WWC2: variants seen among roughly 807,000 people sequenced by gnomAD.
WWC2 encodes protein WWC2.
In WWC2, 101 loss-of-function variants were observed where a neutral mutation model predicts 138.5. That is an observed-to-expected ratio of 0.73 (90% CI 0.62 to 0.86). The LOEUF (loss-of-function observed/expected upper bound fraction) is 0.86, where lower values mean the gene tolerates loss of function less well. Ranked by LOEUF, WWC2 falls within the 40% of genes least tolerant of loss-of-function variation. The probability of loss-of-function intolerance (pLI) is 0.00; values close to 1 mark genes in which losing one functional copy is unlikely to be tolerated. For synonymous variants in WWC2, 558 were observed against 538.4 expected (o/e 1.04, Z -0.50); for missense variants, 1,420 against 1,419.4 (o/e 1.00, Z -0.01).
At chr4:183,175,449 G>A (rs1430084003) in intron 1 of WWC2, among the ~76,000 whole-genome samples, 5 of 152,014 alleles carry the variant, frequency 3.3e-5, no homozygotes, top group Non-Finnish European at 5.9e-5. Context: ...TTTTTGTAGA[G>A]ATGGGGTTTT....
chr4:183,247,766 A>C (rs536533933), intron 6 of WWC2, among the ~76,000 whole-genome samples: 97 of 141,108 alleles, frequency 6.9e-4, no homozygotes, highest in African/African-American at 2.3e-3. Flanking sequence ...TATATATATA[A>C]TATATATACT....
At chr4:183,241,860 A>C (rs897357489) in intron 5 of WWC2, among the ~76,000 whole-genome samples, 1 of 152,240 alleles carries the variant, frequency 6.6e-6, no homozygotes, top group Non-Finnish European at 1.5e-5. Flanking sequence ...AGGCACATGA[A>C]ATTATAACTC....
chr4:183,252,860 G>C (rs1737020531), intron 8 of WWC2, among the ~76,000 whole-genome samples: 1 of 152,060 alleles, frequency 6.6e-6, no homozygotes, highest in Non-Finnish European at 1.5e-5. Flanking sequence ...GGCAATGGGG[G>C]AGCCTTGATG....
At chr4:183,108,076 C>T (rs1243441956) in intron 1 of WWC2, among the ~76,000 whole-genome samples, 1 of 151,890 alleles carries the variant, frequency 6.6e-6, no homozygotes, top group East Asian at 1.9e-4. Flanking sequence ...TTGTGTGAGT[C>T]ACGTAATGAA....
At chr4:183,216,045 A>T (rs1735746669) in intron 4 of WWC2, among the ~76,000 whole-genome samples, 1 of 152,256 alleles carries the variant, frequency 6.6e-6, no homozygotes, top group South Asian at 2.1e-4. Context: ...ATAAAGATAT[A>T]ATGAATACAT....
intron 1 of WWC2, among the ~76,000 whole-genome samples, chr4:183,154,124 G>A (rs1479152348): frequency 6.7e-6 from 1 of 150,184 alleles, no homozygotes; most frequent in Non-Finnish European, 1.5e-5. Flanking sequence ...TTTTTAGAAA[G>A]CATAACTTAT....
At chr4:183,191,279 GCATTTGAACT>G (rs1487944343) in intron 1 of WWC2, among the ~76,000 whole-genome samples, 3 of 151,952 alleles carry the variant, frequency 2.0e-5, no homozygotes, top group African/African-American at 7.3e-5. Context: ...AAAATGTTTT[GCATTTGAACT>G]CAGATTGAGT....
chr4:183,115,130 T>A (rs1381884908), intron 1 of WWC2, among the ~76,000 whole-genome samples: 2 of 152,170 alleles, frequency 1.3e-5, no homozygotes, highest in Non-Finnish European at 2.9e-5. Context: ...CGGTATTTGG[T>A]TTTCTATTCC....
At chr4:183,310,832 TAAA>T (rs34169882) in intron 21 of WWC2, among the ~76,000 whole-genome samples, 1 of 113,428 alleles carries the variant, frequency 8.8e-6, no homozygotes, top group Non-Finnish European at 1.7e-5. Flanking sequence ...TGGCATATTG[TAAA>T]AAAAAAAAAA....
At chr4:183,102,219 A>G (rs76322173) in intron 1 of WWC2, among the ~76,000 whole-genome samples, 134 of 152,316 alleles carry the variant, frequency 8.8e-4, no homozygotes, top group African/African-American at 2.9e-3. Flanking sequence ...TTTCAGCTCT[A>G]AAATGAGGAT....
intron 1 of WWC2, among the ~76,000 whole-genome samples, chr4:183,131,137 T>G (rs770868554): frequency 3.9e-5 from 6 of 152,184 alleles, no homozygotes; most frequent in Non-Finnish European, 8.8e-5. Context: ...GTTACTCTTT[T>G]TAACAAATGG....
chr4:183,312,671 C>A (rs1005034551), intron 22 of WWC2, among the ~76,000 whole-genome samples: 1 of 152,188 alleles, frequency 6.6e-6, no homozygotes, highest in Non-Finnish European at 1.5e-5. Flanking sequence ...GCCTAACTCC[C>A]CACAAGAACC....
At chr4:183,191,770 C>G (rs558357563) in intron 1 of WWC2, among the ~76,000 whole-genome samples, 1 of 152,002 alleles carries the variant, frequency 6.6e-6, no homozygotes, top group East Asian at 1.9e-4. Context: ...CTCTGTTGCC[C>G]AGGCTGGAAT....
intron 1 of WWC2, among the ~76,000 whole-genome samples, chr4:183,140,893 A>G (rs1219608656): frequency 6.6e-6 from 1 of 151,046 alleles, no homozygotes; most frequent in East Asian, 1.9e-4. Flanking sequence ...CAATCTGCTT[A>G]ATAACTATGT....
chr4:183,211,966 C>T (rs888067832), intron 4 of WWC2, among the ~76,000 whole-genome samples: 1 of 152,006 alleles, frequency 6.6e-6, no homozygotes, highest in Non-Finnish European at 1.5e-5. Flanking sequence ...GGACTACAGG[C>T]ACCTGCCACC....
intron 1 of WWC2, among the ~76,000 whole-genome samples, chr4:183,176,452 TC>T (rs1379913599): frequency 3.9e-5 from 6 of 152,130 alleles, no homozygotes; most frequent in Admixed American, 2.6e-4. Flanking sequence ...AGACGCAGTA[TC>T]ACTCTGTCAC....
At chr4:183,181,848 A>G (rs892238577) in intron 1 of WWC2, among the ~76,000 whole-genome samples, 1 of 152,212 alleles carries the variant, frequency 6.6e-6, no homozygotes, top group African/African-American at 2.4e-5. Context: ...ATGTCACTCT[A>G]CAGGAAAGTG....
intron 1 of WWC2, among the ~76,000 whole-genome samples, chr4:183,133,941 TGG>T (rs1733028399): frequency 1.3e-5 from 2 of 152,250 alleles, no homozygotes; most frequent in Non-Finnish European, 2.9e-5. Context: ...TAAAAGCATA[TGG>T]TTGTGGCATT....
chr4:183,174,236 CCTT>C (rs1454126838), intron 1 of WWC2, among the ~76,000 whole-genome samples: 3 of 152,274 alleles, frequency 2.0e-5, no homozygotes, highest in African/African-American at 4.8e-5. Context: ...AGAGAATAAA[CCTT>C]CTGTTTCTGC....
Sources: gnomAD v4.1 joint callset for allele counts (sites outside exome capture counted in the v4.1 genomes callset) on GRCh38, gnomAD v4.1.1 for gene constraint, MANE v1.5 for transcripts, NCBI Gene and HGNC (gene_info 2026-07-23, HGNC 2026-07-21) for gene names.